ZFR2: variants seen among roughly 807,000 people sequenced by gnomAD.
ZFR2 encodes zinc finger RNA binding protein 2, also known as zinc finger RNA-binding protein 2.
Under a neutral mutation model 105.7 loss-of-function variants are expected in ZFR2, and 104 were observed. That is an observed-to-expected ratio of 0.98 (90% CI 0.84 to 1.16). ZFR2 has a LOEUF of 1.16. Ranked by LOEUF, ZFR2 falls within the 50% of genes most tolerant of loss-of-function variation. The probability of loss-of-function intolerance (pLI) is 0.00; values close to 1 mark genes in which losing one functional copy is unlikely to be tolerated. For synonymous variants in ZFR2, 634 were observed against 597.7 expected, an observed-to-expected ratio of 1.06 and a Z score of -0.89; for missense variants, 1,425 against 1,355.5, an observed-to-expected ratio of 1.05 and a Z score of -0.80.
Position 3,829,544 on chromosome 19 carries a change from G to A in ZFR2, c.852+1759C>T, listed in dbSNP as rs546542364. Among the ~76,000 whole-genome samples, 8 of 151,536 alleles carry A rather than the reference G, an allele frequency of 5.3e-5. No individual in the cohort carries two copies. In the East Asian group the frequency reaches 1.2e-3, roughly 22 times the overall value. ...TGTTTTTTTGTGGACAAAGGGTCTC[G>A]CCCTGTCGCCCAGGCTGGGGTGCAG... On this transcript the variant is annotated intron_variant, in intron 5 of 18. Coordinates refer to ENST00000262961, the MANE Select transcript of ZFR2 (RefSeq NM_015174.2).
intron 7 of ZFR2, among the ~76,000 whole-genome samples, chr19:3,824,885 T>G (rs1032467175): frequency 6.6e-6 from 1 of 152,148 alleles, no homozygotes; most frequent in Non-Finnish European, 1.5e-5. Context: ...TGCAGTGAGC[T>G]GAGATCGCAC....
rs974207070 is a variant in ZFR2 at position 3,818,936 on chromosome 19, G to A, written c.1931+109C>T. On this transcript the variant is annotated intron_variant, in intron 12 of 18. Transcript: ENST00000262961. Reference sequence around the variant, plus strand: ...GGCTGGAAAGCTGCCGCGGGCCACCGACGGCTCCAGGCCCATCAGAGCTAG... The same window carrying A: ...GGCTGGAAAGCTGCCGCGGGCCACCAACGGCTCCAGGCCCATCAGAGCTAG... The A allele has an allele frequency of 7.3e-6, 10 of 1,370,438 alleles. 1 individual carries two copies. Among genetic ancestry groups the A allele is most frequent in the Non-Finnish European group, 5.8e-6 (6 of 1,031,958 alleles). 84.9% of individuals were successfully genotyped at this position (1,370,438 alleles called of 1,614,324 possible).
intron 1 of ZFR2, chr19:3,852,590 C>CG (rs1568431652): frequency 1.4e-6 from 1 of 718,444 alleles, no homozygotes; most frequent in Middle Eastern, 2.3e-4. Context: ...ATGCAAGGGC[C>CG]GGGGGAGTGG....
intron 5 of ZFR2, among the ~76,000 whole-genome samples, chr19:3,831,071 A>G (rs2038008623): frequency 6.6e-6 from 1 of 152,018 alleles, no homozygotes; most frequent in Non-Finnish European, 1.5e-5. Flanking sequence ...ACGTTTGCAC[A>G]CACATATGCA....
chr19:3,861,225 A>G (rs1233888463), intron 1 of ZFR2, among the ~76,000 whole-genome samples: 3 of 152,298 alleles, frequency 2.0e-5, no homozygotes, highest in African/African-American at 4.8e-5. Flanking sequence ...ACCTTAGGGG[A>G]AAAAAACCTG....
chr19:3,827,506 A>G lies in ZFR2; in HGVS notation c.1000T>C (p.Tyr334His), dbSNP rs2037963941. The G allele has an allele frequency of 1.3e-6, 2 of 1,555,278 alleles. No homozygotes were observed. Among genetic ancestry groups the G allele is most frequent in the South Asian group, 2.4e-5 (2 of 84,466 alleles). The stretch of plus-strand genomic sequence containing the variant: ...TTGGATCCCCGGATGTGGGCCGCGT[A>G]GGCGTCCGCCCCGGTGCAGGACACG... Reference protein sequence around the residue: ...CAVSCTGADAYAAHIRGSKHQ... With the variant: ...CAVSCTGADAHAAHIRGSKHQ... The change falls in exon 6 of 19, where the codon TAC (tyrosine) becomes CAC (histidine). Residue 334 changes from tyrosine to histidine, a missense_variant. Coordinates refer to ENST00000262961, the MANE Select transcript of ZFR2 (RefSeq NM_015174.2).
chr19:3,833,262 A>G (rs111438860), intron 3 of ZFR2, among the ~76,000 whole-genome samples: 20,926 of 130,100 alleles, frequency 0.16, 1,864 homozygotes, highest in East Asian at 0.26. Context: ...AAAAAAAAAA[A>G]AAAAGAAAAG....
At chr19:3,842,265 C>T (rs1395416453) in intron 1 of ZFR2, among the ~76,000 whole-genome samples, 6 of 152,186 alleles carry the variant, frequency 3.9e-5, no homozygotes, top group South Asian at 2.1e-4. Flanking sequence ...CTGCCCGCCT[C>T]GGCTTCCCAA....
chr19:3,860,941 C>T (rs755747326), intron 1 of ZFR2, among the ~76,000 whole-genome samples: 10 of 152,120 alleles, frequency 6.6e-5, no homozygotes, highest in Non-Finnish European at 1.0e-4. Flanking sequence ...CAACCACAAC[C>T]GGCCTCGAAC....
chr19:3,825,531 C>G (rs953969954), intron 6 of ZFR2, 124 bp from the exon 7 acceptor site: 1 of 1,251,412 alleles, frequency 8.0e-7, no homozygotes, highest in Non-Finnish European at 1.1e-6. Context: ...CCCAGGGACC[C>G]CCCTCTCTTC....
intron 1 of ZFR2, among the ~76,000 whole-genome samples, chr19:3,860,406 C>T (rs1481648090): frequency 6.6e-6 from 1 of 152,110 alleles, no homozygotes; most frequent in African/African-American, 2.4e-5. Context: ...AAGAGGCCAG[C>T]TCCAAACCAG....
At chr19:3,848,931 T>C (rs2038208669) in intron 1 of ZFR2, among the ~76,000 whole-genome samples, 1 of 144,658 alleles carries the variant, frequency 6.9e-6, no homozygotes, top group African/African-American at 2.6e-5. Context: ...GAGGCGGAGC[T>C]TGCAGTGAGC....
intron 14 of ZFR2, among the ~76,000 whole-genome samples, chr19:3,812,245 A>G (rs2037773670): frequency 1.3e-5 from 2 of 151,746 alleles, no homozygotes; most frequent in African/African-American, 4.8e-5. Flanking sequence ...CGCCTGGCCA[A>G]ATTTTTTTGT....
Position 3,831,450 on chromosome 19 carries a change from C to T in ZFR2, c.705G>A (p.Pro235=), listed in dbSNP as rs774585348. Residue 235 remains proline, a synonymous_variant, in exon 5 of 19, where the codon CCG becomes CCA. Coordinates refer to ENST00000262961, the MANE Select transcript of ZFR2 (RefSeq NM_015174.2). The part of the protein sequence containing the change: ...PPPGPPQQLP[P]PPAPAGSGSS... ...TTCCTGAGCCTGCAGGCGCGGGCGG[C>T]GGGGGCAGCTGCTGCGGGGGTCCCG... The T allele has an allele frequency of 2.2e-5, 34 of 1,550,092 alleles. No homozygotes were observed. The South Asian group carries it at 2.9e-4, about 13-fold the overall frequency.
intron 1 of ZFR2, among the ~76,000 whole-genome samples, chr19:3,836,233 C>G (rs553661169): frequency 6.6e-6 from 1 of 152,292 alleles, no homozygotes; most frequent in African/African-American, 2.4e-5. Context: ...AGTACAGATG[C>G]ATTTTTTTCC....
At chr19:3,812,580 C>T (rs750119940) in intron 14 of ZFR2, among the ~76,000 whole-genome samples, 3 of 152,148 alleles carry the variant, frequency 2.0e-5, no homozygotes, top group Non-Finnish European at 2.9e-5. Context: ...GTCTAGTGGC[C>T]GCCAACCCTT....
chr19:3,839,234 G>A (rs1381741244), intron 1 of ZFR2, among the ~76,000 whole-genome samples: 3 of 152,036 alleles, frequency 2.0e-5, no homozygotes, highest in East Asian at 3.9e-4. Flanking sequence ...CCAAAAAGTC[G>A]ATTAGGAAAG....
At chr19:3,861,913 G>A (rs1401860198) in intron 1 of ZFR2, among the ~76,000 whole-genome samples, 1 of 152,150 alleles carries the variant, frequency 6.6e-6, no homozygotes, top group Non-Finnish European at 1.5e-5. Context: ...GCAACAGAGT[G>A]AGACCCTGTC....
intron 1 of ZFR2, among the ~76,000 whole-genome samples, chr19:3,839,863 G>A (rs1291196611): frequency 6.6e-6 from 1 of 152,062 alleles, no homozygotes; most frequent in Non-Finnish European, 1.5e-5. Context: ...TTGTTTGTTT[G>A]TTTCAGAGAC....
Sources: allele counts gnomAD v4.1 joint callset (sites outside exome capture counted in the v4.1 genomes callset), GRCh38; gene constraint gnomAD v4.1.1; transcripts MANE v1.5; gene names NCBI Gene and HGNC (gene_info 2026-07-23, HGNC 2026-07-21).